ECM2: variants seen among roughly 807,000 people sequenced by gnomAD.
ECM2 encodes extracellular matrix protein 2, also known as extracellular matrix protein 2, female organ and adipocyte specific.
In ECM2, 57 loss-of-function variants were observed where a neutral mutation model predicts 67.5. The observed-to-expected ratio is 0.84, with a 90% CI of 0.68 to 1.05. The LOEUF (loss-of-function observed/expected upper bound fraction) is 1.05. ECM2 is among the 50% of genes least tolerant of loss of function. The pLI, the probability that ECM2 is intolerant of heterozygous loss-of-function variation, is 0.00. For missense variants in ECM2, 741 were observed against 822.8 expected (o/e 0.90, Z 1.22); for synonymous variants, 258 against 294.5 (o/e 0.88, Z 1.27).
the ECM2 span, among the ~76,000 whole-genome samples, chr9:92,544,545 T>G: frequency 8.2e-5 from 7 of 85,330 alleles, no homozygotes; most frequent in South Asian, 4.0e-3. Context: ...GTTGAGGGGT[T>G]TTTTTTTTTA....
the ECM2 span, among the ~76,000 whole-genome samples, chr9:92,556,068 G>C: frequency 6.6e-6 from 1 of 152,092 alleles, no homozygotes; most frequent in African/African-American, 2.4e-5. Flanking sequence ...CTATATCCCA[G>C]AGGTTTGATA....
intron 1 of ECM2, among the ~76,000 whole-genome samples, chr9:92,528,944 T>A (rs534204833): frequency 1.3e-5 from 2 of 152,206 alleles, no homozygotes; most frequent in African/African-American, 4.8e-5. Flanking sequence ...AGTAGGTGTT[T>A]AAAAATCATT....
chr9:92,554,903 T>A, the ECM2 span, among the ~76,000 whole-genome samples: 2 of 152,188 alleles, frequency 1.3e-5, no homozygotes, highest in Non-Finnish European at 1.5e-5. Context: ...CCCAAAGTGC[T>A]GAGATTACAG....
At chr9:92,499,488 G>C (rs994095303) in intron 9 of ECM2, among the ~76,000 whole-genome samples, 1 of 152,168 alleles carries the variant, frequency 6.6e-6, no homozygotes, top group African/African-American at 2.4e-5. Flanking sequence ...TGAAACCATT[G>C]GTTCAATGAT....
chr9:92,510,055 G>T (rs1394999299), intron 5 of ECM2, 21 bp from the exon 6 acceptor site: 1 of 1,582,974 alleles, frequency 6.3e-7, no homozygotes, highest in African/African-American at 1.4e-5. Flanking sequence ...AAATCTCAAA[G>T]TTACTTTTTT....
chr9:92,537,952 T>C (rs1849228143), upstream of ECM2, among the ~76,000 whole-genome samples: 1 of 152,192 alleles, frequency 6.6e-6, no homozygotes, highest in Non-Finnish European at 1.5e-5. Flanking sequence ...TTGAAATACA[T>C]ACATTGTTTT....
rs749568645 is a variant in ECM2, at chr9:92,502,463, G to A, written c.1604+50C>T. ...AGTTTCCATACTCTGTTTAATAATA[G>A]CGAGAGGAAGAAATAGTTCAATAAA... On this transcript the variant is annotated intron_variant, in intron 8 of 9. Coordinates refer to ENST00000344604, the MANE Select transcript of ECM2 (RefSeq NM_001393.4). 3.5e-5 allele frequency: 55 copies of A among 1,590,806 alleles called. No homozygotes were observed. In the Middle Eastern group the frequency reaches 5.0e-3, roughly 145 times the overall value.
chr9:92,514,360 C>T (rs755203548), intron 4 of ECM2, among the ~76,000 whole-genome samples: 2 of 151,500 alleles, frequency 1.3e-5, no homozygotes, highest in African/African-American at 4.9e-5. Context: ...CTGCAACCTC[C>T]GCCTCCTGGA....
At chr9:92,498,931 G>A (rs1268433837) in intron 9 of ECM2, among the ~76,000 whole-genome samples, 1 of 152,130 alleles carries the variant, frequency 6.6e-6, no homozygotes, top group Non-Finnish European at 1.5e-5. Flanking sequence ...TTCAAAATAC[G>A]GAATTTCCTG....
At chr9:92,498,982 G>GA (rs1322849111) in intron 9 of ECM2, among the ~76,000 whole-genome samples, 2 of 152,182 alleles carry the variant, frequency 1.3e-5, no homozygotes, top group Non-Finnish European at 2.9e-5. Flanking sequence ...CAACACAATT[G>GA]AAAGGACCAC....
intron 1 of ECM2, among the ~76,000 whole-genome samples, chr9:92,524,708 G>A (rs1848287134): frequency 6.6e-6 from 1 of 152,062 alleles, no homozygotes; most frequent in Admixed American, 6.6e-5. Flanking sequence ...AAAACCCCAG[G>A]GATCATAAGA....
At chr9:92,517,368 C>T (rs2131220760) in intron 3 of ECM2, 2 of 518,116 alleles carry the variant, frequency 3.9e-6, no homozygotes, top group South Asian at 4.6e-5. Context: ...AAGCAGAGCC[C>T]TTAATGCAAT....
At chr9:92,523,131 A>G (rs1848182645) in intron 1 of ECM2, among the ~76,000 whole-genome samples, 1 of 151,566 alleles carries the variant, frequency 6.6e-6, no homozygotes, top group Non-Finnish European at 1.5e-5. Flanking sequence ...CCCAGGCTGG[A>G]GTGCAGTGGT....
intron 4 of ECM2, among the ~76,000 whole-genome samples, chr9:92,514,210 C>G (rs1229809688): frequency 6.6e-6 from 1 of 151,506 alleles, no homozygotes; most frequent in African/African-American, 2.4e-5. Context: ...CATTCCCCCA[C>G]CTCAGCCTCC....
Position 92,495,355 on chromosome 9 carries a change from A to G in ECM2, c.*960T>C, listed in dbSNP as rs555674583. Reference sequence around the variant, plus strand: ...TTAATATATGATTTTGGTAGGGCCAATACATAGTAAAGACATAGCTTTATT... The same window carrying G: ...TTAATATATGATTTTGGTAGGGCCAGTACATAGTAAAGACATAGCTTTATT... On this transcript the variant is annotated 3_prime_UTR_variant, in exon 10 of 10. Transcript: ENST00000344604. 130 of 964,898 alleles carry G rather than the reference A, an allele frequency of 1.3e-4. No individual in the cohort carries two copies. The South Asian group carries it at 5.2e-3, about 39-fold the overall frequency. The allele number at this position is 964,898 out of a possible 1,614,324, so 59.8% of individuals were successfully genotyped here. A position where few individuals can be genotyped will look rare whatever the true frequency, so the allele number is the denominator to read the frequency against.
chr9:92,545,820 C>T, the ECM2 span, among the ~76,000 whole-genome samples: 2 of 152,186 alleles, frequency 1.3e-5, no homozygotes, highest in Non-Finnish European at 1.5e-5. Flanking sequence ...TGTAAATGCA[C>T]CAATCAGCAC....
intron 9 of ECM2, among the ~76,000 whole-genome samples, 178 bp from the exon 10 acceptor site, chr9:92,496,661 C>T (rs749312827): frequency 4.6e-5 from 7 of 152,184 alleles, no homozygotes; most frequent in Non-Finnish European, 8.8e-5. Context: ...CATAGAAGCA[C>T]TAGAACAGAC....
chr9:92,546,201 C>T, the ECM2 span, among the ~76,000 whole-genome samples: 1 of 152,166 alleles, frequency 6.6e-6, no homozygotes, highest in Non-Finnish European at 1.5e-5. Context: ...CCTGTCAAAA[C>T]GGACCAATCA....
Position 92,500,897 on chromosome 9 carries a change from G to T in ECM2, c.1761C>A (p.Tyr587Ter), listed in dbSNP as rs147126273. Residue 587 changes from tyrosine to a stop codon, truncating the protein, a stop_gained, in exon 9 of 10, where the codon TAC becomes TAA. Transcript: ENST00000344604. LOFTEE classifies it high-confidence loss of function. The stretch of plus-strand genomic sequence containing the variant: ...CATCAGCAAGTTTGTTAAATGACAG[G>T]TACAAGTATTCCAGGCCTGGTTCCA... ...GHMEPGLEYL[Y>*]LSFNKLADDG... 214 of 1,614,054 alleles carry T rather than the reference G, an allele frequency of 1.3e-4. No homozygotes were observed. Among genetic ancestry groups the T allele is most frequent in the Non-Finnish European group, 1.8e-4 (209 of 1,180,030 alleles).
Sources: gnomAD v4.1 joint callset for allele counts (sites outside exome capture counted in the v4.1 genomes callset) on GRCh38, gnomAD v4.1.1 for gene constraint, MANE v1.5 for transcripts, NCBI Gene and HGNC (gene_info 2026-07-23, HGNC 2026-07-21) for gene names.